HNRNPA1L2: variants seen among roughly 807,000 people sequenced by gnomAD.
HNRNPA1L2 encodes heterogeneous nuclear ribonucleoprotein A1 like 2, also known as heterogeneous nuclear ribonucleoprotein A1-like 2.
HNRNPA1L2 carries 10 observed loss-of-function variants against 18.2 expected under a neutral mutation model. The observed-to-expected ratio is 0.55, with a 90% CI of 0.34 to 0.93. HNRNPA1L2 has a LOEUF of 0.93. Among genes scored for constraint, HNRNPA1L2 ranks in the 40% least tolerant of loss-of-function variants. The pLI is 0.02. For missense variants in HNRNPA1L2, 308 were observed against 394.4 expected (o/e 0.78, Z 1.85); for synonymous variants, 124 against 138.6 (o/e 0.89, Z 0.74).
chr13:52,619,342 T>A, the HNRNPA1L2 span, among the ~76,000 whole-genome samples: 1 of 151,928 alleles, frequency 6.6e-6, no homozygotes, highest in Non-Finnish European at 1.5e-5. Context: ...AGATGGAGTC[T>A]CACTCTGTGG....
chr13:52,622,829 C>T, the HNRNPA1L2 span, among the ~76,000 whole-genome samples: 1 of 151,418 alleles, frequency 6.6e-6, no homozygotes, highest in Non-Finnish European at 1.5e-5. Flanking sequence ...TCAGTAATAT[C>T]TTGGCATTGT....
the HNRNPA1L2 span, among the ~76,000 whole-genome samples, chr13:52,619,431 G>C: frequency 6.6e-6 from 1 of 152,132 alleles, no homozygotes; most frequent in South Asian, 2.1e-4. Context: ...TTGTGCCTCA[G>C]CCTCCTGAAT....
At chr13:52,633,236 T>C in the HNRNPA1L2 span, among the ~76,000 whole-genome samples, 2 of 152,216 alleles carry the variant, frequency 1.3e-5, no homozygotes, top group Non-Finnish European at 2.9e-5. Flanking sequence ...GAAGAGGAGA[T>C]AGCATTTATA....
the HNRNPA1L2 span, among the ~76,000 whole-genome samples, chr13:52,627,893 A>AT: frequency 3.3e-5 from 5 of 151,352 alleles, no homozygotes; most frequent in South Asian, 2.1e-4. Context: ...GAGAAAAGTA[A>AT]TTTTTTTTTC....
the HNRNPA1L2 span, chr13:52,632,347 T>C: frequency 6.6e-6 from 1 of 152,248 alleles, no homozygotes; most frequent in Admixed American, 6.5e-5. Flanking sequence ...AATTTTTACA[T>C]AGAATATTTC....
the HNRNPA1L2 span, chr13:52,629,313 T>C: frequency 4.6e-6 from 1 of 218,170 alleles, no homozygotes; most frequent in Non-Finnish European, 1.0e-5. Flanking sequence ...TGACCAAGGC[T>C]ATGACAATTA....
chr13:52,624,974 T>A, the HNRNPA1L2 span, among the ~76,000 whole-genome samples: 3 of 151,900 alleles, frequency 2.0e-5, no homozygotes, highest in Non-Finnish European at 4.4e-5. Flanking sequence ...GACAATGCAG[T>A]GAGCCGAGAT....
chr13:52,636,287 C>A, the HNRNPA1L2 span, among the ~76,000 whole-genome samples: 3 of 152,108 alleles, frequency 2.0e-5, no homozygotes, highest in South Asian at 4.2e-4. Flanking sequence ...GGGTAAATAT[C>A]CAGCGATGAA....
the HNRNPA1L2 span, among the ~76,000 whole-genome samples, chr13:52,627,776 A>G: frequency 1.3e-5 from 2 of 152,190 alleles, no homozygotes; most frequent in Non-Finnish European, 2.9e-5. Context: ...TAAGAGACCA[A>G]TTGAATAGTT....
At chr13:52,630,756 G>A in the HNRNPA1L2 span, among the ~76,000 whole-genome samples, 1 of 152,102 alleles carries the variant, frequency 6.6e-6, no homozygotes, top group Non-Finnish European at 1.5e-5. Flanking sequence ...AAGAGTTTAT[G>A]GTGACTTTGG....
At chr13:52,636,243 G>T in the HNRNPA1L2 span, among the ~76,000 whole-genome samples, 8 of 152,298 alleles carry the variant, frequency 5.3e-5, no homozygotes, top group African/African-American at 1.9e-4. Flanking sequence ...GAACTTTCGT[G>T]TACAAGTCTT....
the HNRNPA1L2 span, among the ~76,000 whole-genome samples, chr13:52,629,536 G>A: frequency 0.062 from 9,370 of 152,234 alleles, 337 homozygotes; most frequent in African/African-American, 0.095. Flanking sequence ...ACCATGTGCT[G>A]GAGTTAGCCA....
upstream of HNRNPA1L2, chr13:52,642,282 C>T: frequency 1.5e-6 from 1 of 645,520 alleles, no homozygotes; most frequent in Non-Finnish European, 2.7e-6. Flanking sequence ...AATGAAGTAT[C>T]CTACTGTTAT....
chr13:52,635,907 T>C, the HNRNPA1L2 span, among the ~76,000 whole-genome samples: 1 of 148,928 alleles, frequency 6.7e-6, no homozygotes, highest in Non-Finnish European at 1.5e-5. Flanking sequence ...CTCGGCTCAC[T>C]GCAACCTCCA....
At chr13:52,629,377 C>G in the HNRNPA1L2 span, 1 of 224,676 alleles carries the variant, frequency 4.5e-6, no homozygotes, top group South Asian at 8.4e-5. Context: ...GCTTTGTAGT[C>G]TGCTGGGTTT....
In HNRNPA1L2 at chr13:52,643,358, A is replaced by G. The variant is rs78872760; in HGVS notation, c.866A>G (p.Tyr289Cys). 242,998 of 1,596,446 alleles carry G rather than the reference A, an allele frequency of 0.15. 20,628 individuals carry two copies. The highest frequency in any genetic ancestry group is 0.42 in the East Asian group (18,900 of 44,742). The part of the protein sequence containing the change: ...GNFGGRSSGP[Y>C]GGGGQYFAKP... The stretch of plus-strand genomic sequence containing the variant: ...TTTGGAGGCAGAAGCTCTGGCCCCT[A>G]TGGCGGTGGAGGCCAATACTTTGCA... Residue 289 changes from tyrosine to cysteine, a missense_variant, in exon 1 of 1, where the codon TAT (tyrosine) becomes TGT (cysteine). Tyr to Cys is a radical substitution (Grantham distance 194). Coordinates refer to ENST00000357495, the MANE Select transcript of HNRNPA1L2 (RefSeq NM_001389320.1).
chr13:52,639,885 T>TTG (rs1566162108), upstream of HNRNPA1L2, among the ~76,000 whole-genome samples: 1 of 117,768 alleles, frequency 8.5e-6, no homozygotes, highest in African/African-American at 2.9e-5. Context: ...TGTTTTTTTT[T>TTG]TTTTTTTTTT....
the HNRNPA1L2 span, among the ~76,000 whole-genome samples, chr13:52,634,244 C>A: frequency 6.6e-6 from 1 of 152,164 alleles, no homozygotes; most frequent in African/African-American, 2.4e-5. Flanking sequence ...GTTAAGTGTG[C>A]ATCAGAAAGG....
In HNRNPA1L2 at chr13:52,643,134, C is replaced by T. The variant is rs773500547; in HGVS notation, c.642C>T (p.Asp214=). ...GTGGAGATGGTTTCGGTGGGAATGA[C>T]AACTTTGGTCGTGGAGGAAACTTCA... The part of the protein sequence containing the change: ...GGRGDGFGGN[D]NFGRGGNFSG... Residue 214 remains aspartate, a synonymous_variant, in exon 1 of 1, where the codon GAC becomes GAT. Coordinates refer to ENST00000357495, the MANE Select transcript of HNRNPA1L2 (RefSeq NM_001389320.1). The T allele has an allele frequency of 8.8e-6, 14 of 1,597,848 alleles. No individual in the cohort carries two copies. The East Asian group carries it at 8.9e-5, about 10-fold the overall frequency.
Sources: gnomAD v4.1 joint callset for allele counts (sites outside exome capture counted in the v4.1 genomes callset) on GRCh38, gnomAD v4.1.1 for gene constraint, MANE v1.5 for transcripts, NCBI Gene and HGNC (gene_info 2026-07-23, HGNC 2026-07-21) for gene names.